Variants in OR9Q1 observed in about 807,000 individuals in gnomAD.
The protein encoded by OR9Q1 is olfactory receptor 9Q1.
For missense variants in OR9Q1, 374 were observed against 378.8 expected (o/e 0.99, Z 0.11); for synonymous variants, 153 against 148.6 (o/e 1.03, Z -0.22).
chr11:58,080,433 A>G (rs1853577103), intron 2 of OR9Q1, among the ~76,000 whole-genome samples: 2 of 152,126 alleles, frequency 1.3e-5, no homozygotes, highest in African/African-American at 4.8e-5. Context: ...TGTATTGTGC[A>G]TAGTGCTGTA....
chr11:58,164,477 A>T (rs1016996175), intron 2 of OR9Q1, among the ~76,000 whole-genome samples: 5 of 152,190 alleles, frequency 3.3e-5, no homozygotes, highest in African/African-American at 9.7e-5. Flanking sequence ...AGCAGGGGTC[A>T]TGAGCAGACA....
At chr11:58,140,624 C>T (rs900203127) in intron 2 of OR9Q1, among the ~76,000 whole-genome samples, 19 of 152,106 alleles carry the variant, frequency 1.2e-4, no homozygotes, top group Middle Eastern at 3.2e-3. Flanking sequence ...TCTGAGGGCT[C>T]CGTTCTGTTC....
At chr11:58,101,990 C>G (rs540447844) in intron 2 of OR9Q1, among the ~76,000 whole-genome samples, 19 of 152,224 alleles carry the variant, frequency 1.2e-4, no homozygotes, top group Non-Finnish European at 2.6e-4. Context: ...AGGTGATCCA[C>G]CCCCCTTGGC....
intron 2 of OR9Q1, among the ~76,000 whole-genome samples, chr11:58,068,164 C>A (rs529359143): frequency 1.6e-5 from 2 of 122,048 alleles, no homozygotes; most frequent in African/African-American, 6.3e-5. Flanking sequence ...CATGTTAAAC[C>A]CTGTCTCTAC....
chr11:58,176,841 C>G (rs762270185), intron 2 of OR9Q1, among the ~76,000 whole-genome samples: 1 of 152,072 alleles, frequency 6.6e-6, no homozygotes, highest in Non-Finnish European at 1.5e-5. Flanking sequence ...ACCCAGACTT[C>G]CTGATGCTCA....
chr11:58,033,181 TGGAAAGCAGTTTGAAGATTTC>T (rs761817898), intron 1 of OR9Q1, among the ~76,000 whole-genome samples: 32 of 152,214 alleles, frequency 2.1e-4, no homozygotes, highest in Non-Finnish European at 3.7e-4. Flanking sequence ...TTCAGCCACA[TGGAAAGCAGTTTGAAGATTTC>T]TCAAAGAATG....
intron 2 of OR9Q1, among the ~76,000 whole-genome samples, chr11:58,148,086 A>G (rs187432989): frequency 3.9e-4 from 60 of 152,302 alleles, no homozygotes; most frequent in Middle Eastern, 3.4e-3. Context: ...CAACTGACCC[A>G]TTAAAATCAA....
intron 2 of OR9Q1, among the ~76,000 whole-genome samples, chr11:58,062,059 G>C (rs183552449): frequency 2.0e-5 from 3 of 152,172 alleles, no homozygotes; most frequent in Admixed American, 6.5e-5. Context: ...AATGGTGCAG[G>C]CTTCCCAAAA....
intron 2 of OR9Q1, among the ~76,000 whole-genome samples, chr11:58,107,836 T>A (rs958667976): frequency 6.6e-6 from 1 of 152,208 alleles, no homozygotes; most frequent in Admixed American, 6.5e-5. Flanking sequence ...AATGAAGCAT[T>A]ATGACCCTGT....
chr11:58,048,695 T>TATATATATATATATATATATATA (rs1403452829), intron 1 of OR9Q1, among the ~76,000 whole-genome samples: 1 of 141,314 alleles, frequency 7.1e-6, no homozygotes, highest in African/African-American at 2.6e-5. Context: ...TATATATATA[T>TATATATATATATATATATATATA]TTTTTAGCAA....
intron 2 of OR9Q1, among the ~76,000 whole-genome samples, chr11:58,121,781 T>C (rs1250916471): frequency 6.6e-6 from 1 of 152,194 alleles, no homozygotes; most frequent in East Asian, 1.9e-4. Flanking sequence ...TTGCTATTTT[T>C]GATAAAATCC....
chr11:58,119,818 C>T (rs796829164), intron 2 of OR9Q1, among the ~76,000 whole-genome samples: 1 of 143,322 alleles, frequency 7.0e-6, no homozygotes, highest in East Asian at 1.9e-4. Flanking sequence ...GCCGTATGAG[C>T]CTCCATCTGC....
At chr11:58,140,711 C>T (rs1206178880) in intron 2 of OR9Q1, among the ~76,000 whole-genome samples, 1 of 152,170 alleles carries the variant, frequency 6.6e-6, no homozygotes, top group Non-Finnish European at 1.5e-5. Context: ...GGTTTGAAGT[C>T]AGGTAGCGTG....
intron 1 of OR9Q1, among the ~76,000 whole-genome samples, chr11:58,035,238 C>T (rs1237244677): frequency 6.8e-6 from 1 of 146,330 alleles, no homozygotes; most frequent in Admixed American, 7.0e-5. Context: ...AGCCAGATGC[C>T]CAGTCACCAT....
chr11:58,028,554 C>T (rs758564042), intron 1 of OR9Q1, among the ~76,000 whole-genome samples: 7 of 152,060 alleles, frequency 4.6e-5, no homozygotes, highest in Admixed American at 2.0e-4. Context: ...TGTCTAACAC[C>T]GTAAGTCAAG....
chr11:58,084,729 T>A (rs1300134513), intron 2 of OR9Q1, among the ~76,000 whole-genome samples: 1 of 151,818 alleles, frequency 6.6e-6, no homozygotes, highest in Non-Finnish European at 1.5e-5. Flanking sequence ...AAGCTTTCTA[T>A]AAAATGCAAC....
chr11:58,114,439 C>T (rs562193498), intron 2 of OR9Q1, among the ~76,000 whole-genome samples: 3 of 152,300 alleles, frequency 2.0e-5, no homozygotes, highest in East Asian at 3.9e-4. Context: ...GTCTTGCCTG[C>T]AAACCATAAA....
chr11:58,024,820 G>A (rs1444234478), intron 1 of OR9Q1, among the ~76,000 whole-genome samples: 1 of 152,180 alleles, frequency 6.6e-6, no homozygotes, highest in Admixed American at 6.5e-5. Flanking sequence ...TATTCCTCCA[G>A]CCTTGGCGGG....
chr11:58,126,330 A>G (rs1275609234), intron 2 of OR9Q1, among the ~76,000 whole-genome samples: 1 of 152,188 alleles, frequency 6.6e-6, no homozygotes, highest in Non-Finnish European at 1.5e-5. Context: ...TGGAGAACCT[A>G]TCTTTCTTCC....
Sources: gnomAD v4.1 joint callset for allele counts (sites outside exome capture counted in the v4.1 genomes callset) on GRCh38, gnomAD v4.1.1 for gene constraint, MANE v1.5 for transcripts, NCBI Gene and HGNC (gene_info 2026-07-23, HGNC 2026-07-21) for gene names.